BMAL2: variants seen among roughly 807,000 people sequenced by gnomAD.
The protein encoded by BMAL2 is basic helix-loop-helix ARNT-like protein 2.
chr12:27,384,771 C>A, the BMAL2 span, among the ~76,000 whole-genome samples: 7 of 152,268 alleles, frequency 4.6e-5, no homozygotes, highest in East Asian at 1.3e-3. Flanking sequence ...TATGTTCTGT[C>A]TTTGGCTCTC....
chr12:27,352,712 G>A, the BMAL2 span, among the ~76,000 whole-genome samples: 3 of 152,168 alleles, frequency 2.0e-5, no homozygotes, highest in African/African-American at 7.2e-5. Context: ...TCTGCTAAAA[G>A]GCTCCTAAGC....
chr12:27,422,016 A>G, the BMAL2 span: 1 of 152,270 alleles, frequency 6.6e-6, no homozygotes, highest in African/African-American at 2.4e-5. Context: ...AATAATTTAA[A>G]AACCAATTTT....
At chr12:27,349,660 G>A in the BMAL2 span, among the ~76,000 whole-genome samples, 1 of 152,174 alleles carries the variant, frequency 6.6e-6, no homozygotes, top group East Asian at 1.9e-4. Context: ...ACTCAGGCAA[G>A]TAATTAATGT....
At chr12:27,354,107 C>T in the BMAL2 span, among the ~76,000 whole-genome samples, 1 of 152,196 alleles carries the variant, frequency 6.6e-6, no homozygotes, top group Non-Finnish European at 1.5e-5. Context: ...ACCAAAAAGA[C>T]ATATGCATTC....
At chr12:27,341,053 A>G in the BMAL2 span, among the ~76,000 whole-genome samples, 1 of 152,164 alleles carries the variant, frequency 6.6e-6, no homozygotes, top group Non-Finnish European at 1.5e-5. Context: ...TCATCTGCAA[A>G]AAGGGATAGT....
chr12:27,422,833 C>G, the BMAL2 span: 1 of 152,226 alleles, frequency 6.6e-6, no homozygotes, highest in African/African-American at 2.4e-5. Context: ...GGTAGGCCAT[C>G]ATAGCTGGAT....
the BMAL2 span, among the ~76,000 whole-genome samples, chr12:27,376,041 C>T: frequency 6.6e-6 from 1 of 152,160 alleles, no homozygotes; most frequent in African/African-American, 2.4e-5. Flanking sequence ...CTTATTCTTG[C>T]TTAAGTTTGT....
the BMAL2 span, chr12:27,401,697 A>G: frequency 6.7e-7 from 1 of 1,501,430 alleles, no homozygotes; most frequent in Non-Finnish European, 9.0e-7. Context: ...TTATGTTAAG[A>G]CCTTTATATT....
chr12:27,354,730 G>A, the BMAL2 span, among the ~76,000 whole-genome samples: 2 of 152,046 alleles, frequency 1.3e-5, no homozygotes, highest in South Asian at 4.2e-4. Context: ...GGTATCTGCG[G>A]ATATTCCAAA....
the BMAL2 span, among the ~76,000 whole-genome samples, chr12:27,335,341 T>C: frequency 6.6e-6 from 1 of 152,188 alleles, no homozygotes. Context: ...TAATAAATGA[T>C]TCCAGAATCC....
chr12:27,368,296 T>C, the BMAL2 span: 1 of 1,614,172 alleles, frequency 6.2e-7, no homozygotes, highest in Admixed American at 1.7e-5. Context: ...AGTGCATTGC[T>C]CCTGTGGTTT....
chr12:27,409,947 T>C, the BMAL2 span, among the ~76,000 whole-genome samples: 152,116 of 152,124 alleles, frequency 1, 76,054 homozygotes, highest in Middle Eastern at 1. Context: ...TATGAACAGA[T>C]ACTTCTCAAA....
At chr12:27,393,258 G>A in the BMAL2 span, among the ~76,000 whole-genome samples, 2 of 152,178 alleles carry the variant, frequency 1.3e-5, no homozygotes, top group Non-Finnish European at 2.9e-5. Context: ...ACTCCTCCCT[G>A]ATATTCAGGA....
At chr12:27,369,946 T>G in the BMAL2 span, among the ~76,000 whole-genome samples, 1 of 152,218 alleles carries the variant, frequency 6.6e-6, no homozygotes, top group African/African-American at 2.4e-5. Context: ...TCAAGCAGTT[T>G]GCCCAGCATC....
At chr12:27,402,301 TA>T in the BMAL2 span, among the ~76,000 whole-genome samples, 588 of 143,544 alleles carry the variant, frequency 4.1e-3, 2 homozygotes, top group Middle Eastern at 0.018. Flanking sequence ...AGAAAAATAA[TA>T]AAAAAAAAAA....
the BMAL2 span, among the ~76,000 whole-genome samples, chr12:27,335,011 G>T: frequency 6.6e-6 from 1 of 152,234 alleles, no homozygotes; most frequent in African/African-American, 2.4e-5. Context: ...GTGCTAATGA[G>T]CAAGTGTGCT....
At chr12:27,425,168 GCTCGTCTGT>G in the BMAL2 span, 1 of 151,602 alleles carries the variant, frequency 6.6e-6, no homozygotes, top group Non-Finnish European at 1.5e-5. Context: ...GTTCACTTGT[GCTCGTCTGT>G]ATATTGGTAT....
the BMAL2 span, among the ~76,000 whole-genome samples, chr12:27,356,955 C>T: frequency 6.6e-6 from 1 of 151,846 alleles, no homozygotes; most frequent in Non-Finnish European, 1.5e-5. Context: ...ATTCTTATGC[C>T]TTTGTGTCCT....
At chr12:27,401,721 T>G in the BMAL2 span, 1 of 1,376,664 alleles carries the variant, frequency 7.3e-7, no homozygotes, top group Non-Finnish European at 9.9e-7. Flanking sequence ...TTCAAATGAG[T>G]CTCTTTGCTT....
Sources: gnomAD v4.1 joint callset for allele counts (sites outside exome capture counted in the v4.1 genomes callset) on GRCh38, gnomAD v4.1.1 for gene constraint, MANE v1.5 for transcripts, NCBI Gene and HGNC (gene_info 2026-07-23, HGNC 2026-07-21) for gene names.